Variants in PGAP2 observed in about 807,000 individuals in gnomAD.
The protein encoded by PGAP2 is post-GPI attachment to proteins 2.
A neutral mutation model predicts 33.2 loss-of-function variants in PGAP2; 21 were observed. The observed-to-expected ratio is 0.63, with a 90% confidence interval of 0.45 to 0.91. The LOEUF (loss-of-function observed/expected upper bound fraction) is 0.91. PGAP2 is among the 40% of genes least tolerant of loss of function. PGAP2 has a pLI of 0.00. For synonymous variants in PGAP2, 161 were observed against 172.9 expected (o/e 0.93, Z 0.54); for missense variants, 345 against 424.0 (o/e 0.81, Z 1.64).
chr11:3,819,337 T>TTCCGGCTTCGCTTCAC (rs2087936578), intron 3 of PGAP2, among the ~76,000 whole-genome samples: 1 of 151,436 alleles, frequency 6.6e-6, no homozygotes, highest in Admixed American at 6.6e-5. Context: ...GGGGCAAGAG[T>TTCCGGCTTCGCTTCAC]AGGGTATAAG....
chr11:3,808,425 A>G (rs2084838193), upstream of PGAP2: 7 of 1,544,076 alleles, frequency 4.5e-6, no homozygotes, highest in South Asian at 3.6e-5. Context: ...GCTGTAAAGC[A>G]TGGTTTGAGG....
intron 2 of PGAP2, among the ~76,000 whole-genome samples, chr11:3,815,195 G>C (rs1196583607): frequency 6.6e-6 from 1 of 152,056 alleles, no homozygotes; most frequent in Admixed American, 6.6e-5. Context: ...TTTCCGGTGA[G>C]TCTCTGCCTT....
intron 2 of PGAP2, among the ~76,000 whole-genome samples, chr11:3,815,404 G>A (rs548427677): frequency 6.6e-6 from 1 of 151,954 alleles, no homozygotes; most frequent in East Asian, 1.9e-4. Flanking sequence ...CGCCTCCCAG[G>A]TTCAAGCGAT....
chr11:3,817,380 G>A lies in PGAP2; in HGVS notation c.193G>A (p.Ala65Thr). 1.2e-6 allele frequency: 2 copies of A among 1,613,438 alleles called. No individual in the cohort carries two copies. The highest frequency in any genetic ancestry group is 1.3e-5 in the African/African-American group (1 of 75,042). Residue 65 changes from alanine to threonine, a missense_variant, in exon 3 of 7, where the codon GCC (alanine) becomes ACC (threonine). Ala to Thr is a moderately conservative substitution (Grantham distance 58). Coordinates refer to ENST00000278243, the MANE Select transcript of PGAP2 (RefSeq NM_014489.4). ...CACGCCCTGCAGGATGTTCTCTGCG[G>A]CCTCCCAGCCTTTGGACCCCGATGG... ...GATPCRMFSA[A>T]SQPLDPDGTL...
upstream of PGAP2, chr11:3,808,153 A>G (rs559191955): frequency 1.5e-4 from 213 of 1,448,264 alleles, 3 homozygotes; most frequent in African/African-American, 2.6e-3. Context: ...GAGGGGCGCC[A>G]GGGCTGGGAG....
At chr11:3,812,171 G>A (rs1298837451) in intron 2 of PGAP2, among the ~76,000 whole-genome samples, 1 of 152,074 alleles carries the variant, frequency 6.6e-6, no homozygotes, top group Non-Finnish European at 1.5e-5. Flanking sequence ...CAAAGTAAGT[G>A]GGGTGGGACA....
chr11:3,798,499 T>A (rs1360018163), intron 1 of PGAP2, among the ~76,000 whole-genome samples: 1 of 151,616 alleles, frequency 6.6e-6, no homozygotes, highest in Non-Finnish European at 1.5e-5. Context: ...CCAGCTAATT[T>A]TTGTATTTAT....
In PGAP2 at chr11:3,802,247, G is replaced by A. The variant is rs368604659; in HGVS notation, c.139+4265G>A. 1.1e-4 allele frequency among the ~76,000 whole-genome samples: 16 copies of A among 152,298 alleles called. No individual in the cohort carries two copies. In the South Asian group the frequency reaches 1.7e-3, roughly 16 times the overall value. On this transcript the variant is annotated intron_variant, in intron 1 of 6. Coordinates refer to the PGAP2 transcript ENST00000300730. ...GGAATACTCCAAGGAAGAATTTCCT[G>A]TGACTTTGGTGATTTCTAAAGATAC...
At chr11:3,808,699 G>T in intron 1 of PGAP2, 48 bp downstream of exon 1, 1 of 1,047,056 alleles carries the variant, frequency 9.6e-7, no homozygotes, top group Non-Finnish European at 1.2e-6. Context: ...CCCCACTCGG[G>T]AGCTTGGCCG....
At chr11:3,813,716 C>G (rs1394878181) in intron 2 of PGAP2, among the ~76,000 whole-genome samples, 4 of 152,128 alleles carry the variant, frequency 2.6e-5, no homozygotes, top group Non-Finnish European at 5.9e-5. Context: ...GATTAAGACT[C>G]CCTAGCCCAG....
chr11:3,823,012 CTTTTTTCTTTTCTTTTTTTTTTT>C (rs1201728102), intron 3 of PGAP2: 1 of 453,916 alleles, frequency 2.2e-6, no homozygotes, highest in African/African-American at 2.8e-5. Flanking sequence ...CACCCACTTT[CTTTTTTCTTTTCTTTTTTTTTTT>C]TTTTTTTTTT....
At chr11:3,823,621 C>T in intron 3 of PGAP2, 6 of 1,536,748 alleles carry the variant, frequency 3.9e-6, no homozygotes, top group Non-Finnish European at 5.2e-6. Flanking sequence ...AGGCAGGTTC[C>T]AGTCTGCGGG....
chr11:3,823,002 C>G (rs1335339312), intron 3 of PGAP2: 1 of 1,179,282 alleles, frequency 8.5e-7, no homozygotes, highest in Non-Finnish European at 1.2e-6. Flanking sequence ...AGGTTAGGAG[C>G]ACCCACTTTC....
intron 1 of PGAP2, among the ~76,000 whole-genome samples, chr11:3,803,513 C>T (rs778256609): frequency 4.0e-5 from 6 of 150,712 alleles, no homozygotes; most frequent in East Asian, 2.0e-4. Context: ...CTGCAACCTC[C>T]GCCTCCTGGG....
chr11:3,814,764 CTTTCTTTCT>C (rs2086463586), intron 2 of PGAP2, among the ~76,000 whole-genome samples: 1 of 92,344 alleles, frequency 1.1e-5, no homozygotes, highest in African/African-American at 3.3e-5. Context: ...TTCTTTCTTT[CTTTCTTTCT>C]TTCTTTCTTT....
upstream of PGAP2, among the ~76,000 whole-genome samples, chr11:3,804,948 C>T (rs2084066100): frequency 6.6e-6 from 1 of 152,200 alleles, no homozygotes; most frequent in Admixed American, 6.5e-5. Flanking sequence ...GTGATCTGCT[C>T]ACATCAGCCT....
At chr11:3,824,933 C>G (rs2135080512) in intron 5 of PGAP2, 87 bp from the exon 6 acceptor site, 1 of 1,581,820 alleles carries the variant, frequency 6.3e-7, no homozygotes, top group Non-Finnish European at 8.6e-7. Flanking sequence ...GGAGATAAGG[C>G]CCAGCCCTTA....
At chr11:3,812,926 A>T (rs948235674) in intron 2 of PGAP2, among the ~76,000 whole-genome samples, 2 of 152,182 alleles carry the variant, frequency 1.3e-5, no homozygotes, top group East Asian at 3.8e-4. Context: ...AGGCGATCTG[A>T]AGGGAAGGAG....
chr11:3,797,781 G>T (rs2082761986), upstream of PGAP2: 3 of 1,537,282 alleles, frequency 2.0e-6, no homozygotes, highest in African/African-American at 1.4e-5. Flanking sequence ...CCCGCCCCTC[G>T]CCGCCGCGGT....
Sources: gnomAD v4.1 joint callset for allele counts (sites outside exome capture counted in the v4.1 genomes callset) on GRCh38, gnomAD v4.1.1 for gene constraint, MANE v1.5 for transcripts, NCBI Gene and HGNC (gene_info 2026-07-23, HGNC 2026-07-21) for gene names.